ADGRA1: variants seen among roughly 807,000 people sequenced by gnomAD.
ADGRA1 encodes the protein adhesion G protein-coupled receptor A1.
A neutral mutation model predicts 21.3 loss-of-function variants in ADGRA1; 12 were observed. The ratio of observed to expected loss-of-function variants is 0.56; its 90% CI spans 0.36 to 0.91. The LOEUF (loss-of-function observed/expected upper bound fraction) is 0.91. ADGRA1 is among the 40% of genes least tolerant of loss of function. The pLI is 0.01. For missense variants in ADGRA1, 790 were observed against 805.6 expected, an observed-to-expected ratio of 0.98 and a Z score of 0.23; for synonymous variants, 385 against 368.8, an observed-to-expected ratio of 1.04 and a Z score of -0.50.
Position 133,129,113 on chromosome 10 carries a change from C to A in ADGRA1, c.1285C>A (p.His429Asn). The A allele has an allele frequency of 1.3e-6, 2 of 1,552,556 alleles. No homozygotes were observed. The highest frequency in any genetic ancestry group is 1.9e-5 in the Admixed American group (1 of 52,448). ...GRTKPPYFSR[H>N]PAEEPEYAYH... is the part of the protein sequence containing the mutation. ...AACTAAGCCGCCCTACTTTAGCCGG[C>A]ACCCAGCAGAGGAGCCCGAGTACGC... The change falls in exon 7 of 7, where the codon CAC becomes AAC. Residue 429 changes from histidine (H) to asparagine (N), a missense_variant. By Grantham distance (68) the His-to-Asn change is moderately conservative (BLOSUM62 1). Transcript: ENST00000392607.
chr10:133,093,380 G>A (rs1203326725), intron 2 of ADGRA1: 3 of 1,209,642 alleles, frequency 2.5e-6, no homozygotes, highest in East Asian at 2.6e-5. Context: ...CCAAAGAGGA[G>A]ACCTCCAATT....
intron 4 of ADGRA1, 147 bp downstream of exon 4, chr10:133,098,910 C>T: frequency 8.9e-7 from 1 of 1,118,740 alleles, no homozygotes; most frequent in Non-Finnish European, 1.3e-6. Context: ...GGCTTCACGC[C>T]ATGCAAGTCC....
chr10:133,127,171 G>A (rs958026124), intron 5 of ADGRA1, 62 bp from the exon 6 acceptor site: 1 of 1,118,142 alleles, frequency 8.9e-7, no homozygotes, highest in Admixed American at 3.1e-5. Flanking sequence ...GGGAGGGACA[G>A]CGCTGACCCC....
intron 4 of ADGRA1, chr10:133,102,313 C>T (rs1352074045): frequency 2.0e-6 from 1 of 509,034 alleles, no homozygotes; most frequent in Non-Finnish European, 3.9e-6. Context: ...ACTTCACCTC[C>T]TCTCCCTTGG....
At chr10:133,116,533 C>T (rs1852163212) in intron 5 of ADGRA1, among the ~76,000 whole-genome samples, 1 of 150,672 alleles carries the variant, frequency 6.6e-6, no homozygotes, top group African/African-American at 2.4e-5. Flanking sequence ...CCCACCCAGA[C>T]CACACCCAAG....
At position 133,119,276 on chromosome 10, in the gene ADGRA1, T is replaced by C. The variant is rs1047239418; in HGVS notation, c.402-7957T>C. Among the ~76,000 whole-genome samples, 46 of 140,356 alleles carry C rather than the reference T, an allele frequency of 3.3e-4. 1 individual carries two copies. Among genetic ancestry groups the C allele is most frequent in the African/African-American group, 1.1e-3 (41 of 37,934 alleles). The allele number at this position is 140,356 out of a possible 152,430, so 92.1% of individuals were successfully genotyped here. ...CCTTTATTGCCAAAAAAAAAAAAAA[T>C]GCTAGTGACTTCAGCAAGTCATAAT... On this transcript the variant is annotated intron_variant, in intron 5 of 6. Transcript: ENST00000392607.
At chr10:133,088,685 G>A in intron 1 of ADGRA1, 23 bp from the exon 2 acceptor site, 1 of 1,221,980 alleles carries the variant, frequency 8.2e-7, no homozygotes, top group Non-Finnish European at 1.0e-6. Flanking sequence ...CGCCCGCCCC[G>A]CTGACCGCCG....
At chr10:133,124,053 G>A (rs560479598) in intron 5 of ADGRA1, among the ~76,000 whole-genome samples, 8 of 152,294 alleles carry the variant, frequency 5.3e-5, no homozygotes, top group East Asian at 1.9e-4. Context: ...TACCTGCCCC[G>A]GCACTGATGG....
At chr10:133,113,864 G>A (rs866235691) in intron 5 of ADGRA1, among the ~76,000 whole-genome samples, 30 of 152,240 alleles carry the variant, frequency 2.0e-4, no homozygotes, top group Admixed American at 1.7e-3. Context: ...GTGGACCCTC[G>A]GACGTCAGGC....
At chr10:133,101,789 GC>G (rs767887142) in intron 4 of ADGRA1, among the ~76,000 whole-genome samples, 10 of 152,278 alleles carry the variant, frequency 6.6e-5, no homozygotes, top group Non-Finnish European at 1.3e-4. Context: ...AAAGGGTGGA[GC>G]CCCCCGGGGG....
intron 3 of ADGRA1, among the ~76,000 whole-genome samples, chr10:133,097,774 A>C (rs1465994846): frequency 2.0e-5 from 3 of 152,232 alleles, no homozygotes; most frequent in African/African-American, 7.2e-5. Context: ...CCGAGGTCCC[A>C]GATCAAGGCA....
At chr10:133,094,456 G>A (rs933565705) in intron 2 of ADGRA1, among the ~76,000 whole-genome samples, 13 of 152,132 alleles carry the variant, frequency 8.5e-5, no homozygotes, top group African/African-American at 3.1e-4. Context: ...ACCGCCCCTC[G>A]CCCCCGTAGC....
intron 5 of ADGRA1, among the ~76,000 whole-genome samples, chr10:133,109,779 A>G (rs557193155): frequency 1.7e-4 from 26 of 152,324 alleles, no homozygotes; most frequent in Admixed American, 5.2e-4. Context: ...GCAGGGATGT[A>G]GTAAATATGT....
chr10:133,095,030 C>T (rs1321895588), intron 2 of ADGRA1, among the ~76,000 whole-genome samples: 1 of 152,200 alleles, frequency 6.6e-6, no homozygotes, highest in African/African-American at 2.4e-5. Context: ...GCCCGAGCCA[C>T]GCCAGAGCCC....
Position 133,109,380 on chromosome 10 carries a change from A to G in ADGRA1, c.401+6538A>G, listed in dbSNP as rs558050053. 9.3e-5 allele frequency among the ~76,000 whole-genome samples: 14 copies of G among 150,934 alleles called. No homozygotes were observed. In the South Asian group the frequency reaches 2.8e-3, roughly 30 times the overall value. ...CAGCCTCCTGCTCTGCCACCTCCACACCACCTGGATACTTTTTCTCCCCAG... is the reference window on the plus strand; with the variant it reads ...CAGCCTCCTGCTCTGCCACCTCCACGCCACCTGGATACTTTTTCTCCCCAG... On this transcript the variant is annotated intron_variant, in intron 5 of 6. Transcript: ENST00000392607.
chr10:133,123,358 CAG>C (rs906235800), intron 5 of ADGRA1, among the ~76,000 whole-genome samples: 3 of 152,326 alleles, frequency 2.0e-5, no homozygotes, highest in Admixed American at 2.0e-4. Flanking sequence ...GCCCGAGCGG[CAG>C]AGACTTTCCC....
intron 5 of ADGRA1, among the ~76,000 whole-genome samples, chr10:133,120,412 GA>G (rs561804012): frequency 0.02 from 3,115 of 151,990 alleles, 46 homozygotes; most frequent in South Asian, 0.048. Flanking sequence ...CTCAAAAAAA[GA>G]AAAAAAATAT....
chr10:133,125,885 A>C (rs564157944), intron 5 of ADGRA1, among the ~76,000 whole-genome samples: 2 of 152,350 alleles, frequency 1.3e-5, no homozygotes, highest in South Asian at 2.1e-4. Flanking sequence ...TTCCTCCTGC[A>C]GATGCTGGGC....
At chr10:133,100,585 G>C (rs1851774233) in intron 4 of ADGRA1, among the ~76,000 whole-genome samples, 1 of 152,220 alleles carries the variant, frequency 6.6e-6, no homozygotes, top group African/African-American at 2.4e-5. Context: ...GGTTCCAGAG[G>C]GTTGCAATCT....
Sources: allele counts gnomAD v4.1 joint callset (sites outside exome capture counted in the v4.1 genomes callset), GRCh38; gene constraint gnomAD v4.1.1; transcripts MANE v1.5; gene names NCBI Gene and HGNC (gene_info 2026-07-23, HGNC 2026-07-21).